The following LMTK2 variants were observed in gnomAD, a reference collection of about 807,000 sequenced individuals.
The protein encoded by LMTK2 is serine/threonine-protein kinase LMTK2.
LMTK2 carries 37 observed loss-of-function variants against 127.5 expected under a neutral mutation model. The observed-to-expected ratio is 0.29, with a 90% CI of 0.22 to 0.38. The LOEUF (loss-of-function observed/expected upper bound fraction) is 0.38, where lower values mean the gene tolerates loss of function less well. Ranked by LOEUF, LMTK2 falls within the 10% of genes least tolerant of loss-of-function variation. LMTK2 has a pLI of 1.00. For synonymous variants in LMTK2, 819 were observed against 810.1 expected (o/e 1.01, Z -0.19); for missense variants, 1,694 against 1,920.3 (o/e 0.88, Z 2.20).
chr7:98,201,508 A>G (rs1426720564), intron 11 of LMTK2, among the ~76,000 whole-genome samples: 2 of 152,174 alleles, frequency 1.3e-5, no homozygotes, highest in East Asian at 3.8e-4. Context: ...AAGCTGTAAT[A>G]CATGTTTTAT....
rs767662652 is a variant in LMTK2, at chr7:98,159,411, G to C, written c.643G>C (p.Glu215Gln). ...AGCGATTCCCTACCTCCTGGTGTTT[G>C]AGTTCTGTGACTTGGTAAGTTCCTT... is the stretch of plus-strand genomic sequence containing the variant. Reference protein sequence around the residue: ...VEAIPYLLVFEFCDLGDLKAY... With the variant: ...VEAIPYLLVFQFCDLGDLKAY... The change falls in exon 6 of 14, where the codon GAG (glutamate) becomes CAG (glutamine). Residue 215 changes from glutamate to glutamine, a missense_variant. Glu to Gln is a conservative substitution (Grantham distance 29). Transcript: ENST00000297293. 6.0e-5 allele frequency: 96 copies of C among 1,608,394 alleles called. No individual in the cohort carries two copies. Among genetic ancestry groups the C allele is most frequent in the Non-Finnish European group, 8.0e-5 (94 of 1,175,536 alleles).
rs143285587 is a variant in LMTK2, at chr7:98,193,493, C to G, written c.3028C>G (p.Leu1010Val). The change falls in exon 11 of 14, where the codon CTG becomes GTG. Residue 1010 changes from leucine (L) to valine (V), a missense_variant. Leu to Val is a conservative substitution (Grantham distance 32). Coordinates refer to ENST00000297293, the MANE Select transcript of LMTK2 (RefSeq NM_014916.4). The surrounding 1 kb of genome is among the most constrained non-coding windows in gnomAD (Gnocchi z 4.1). The stretch of plus-strand genomic sequence containing the variant: ...GTCAGTGGATGTCCACGAAGCGCTA[C>G]TGGACTCTTTAGGATCTCACACTCC... The part of the protein sequence containing the change: ...LESVDVHEAL[L>V]DSLGSHTPQK... 1.2e-5 allele frequency: 19 copies of G among 1,614,044 alleles called. No individual in the cohort carries two copies. The highest frequency in any genetic ancestry group is 1.4e-5 in the Non-Finnish European group (17 of 1,180,042).
Position 98,192,907 on chromosome 7 carries a change from G to A in LMTK2, c.2442G>A (p.Gln814=). The change falls in exon 11 of 14, where the codon CAG becomes CAA. Residue 814 remains glutamine (Q), a synonymous_variant. Transcript: ENST00000297293. ...STSLQSSPEV[Q]VPPTSFETEE... is the part of the protein sequence containing the mutation. The stretch of plus-strand genomic sequence containing the variant: ...CATTGCAGTCTTCCCCGGAAGTGCA[G>A]GTACCTCCTACCTCCTTCGAAACAG... 6.2e-7 allele frequency: 1 copy of A among 1,613,992 alleles called. No homozygotes were observed. Among genetic ancestry groups the A allele is most frequent in the East Asian group, 2.2e-5 (1 of 44,882 alleles).
At position 98,159,345 on chromosome 7, in the gene LMTK2, C is replaced by G. The variant is rs779701589; in HGVS notation, c.577C>G (p.Gln193Glu). 2.5e-6 allele frequency: 4 copies of G among 1,600,218 alleles called. No homozygotes were observed. Among genetic ancestry groups the G allele is most frequent in the Non-Finnish European group, 3.4e-6 (4 of 1,174,056 alleles). Residue 193 changes from glutamine (Q) to glutamate (E), a missense_variant, in exon 6 of 14, where the codon CAG becomes GAG. By Grantham distance (29) the Gln-to-Glu change is conservative. This residue lies in a region of LMTK2 where 203 missense variants were observed against 226.2 expected (regional missense o/e 0.90). Transcript: ENST00000297293. ...LKNGEPYYIL[Q>E]HPNILQCVGQ... ...GGCTTTTATTTTTCCCAGCATTCTTCAGCATCCAAATATTCTTCAGTGTGT... is the reference window on the plus strand; with the variant it reads ...GGCTTTTATTTTTCCCAGCATTCTTGAGCATCCAAATATTCTTCAGTGTGT...
rs907295046 is a variant in LMTK2 at position 98,182,469 on chromosome 7, G to C, written c.792-2582G>C. 3.9e-5 allele frequency among the ~76,000 whole-genome samples: 6 copies of C among 152,252 alleles called. No homozygotes were observed. The East Asian group carries it at 1.2e-3, about 29-fold the overall frequency. On this transcript the variant is annotated intron_variant, in intron 7 of 13. Transcript: ENST00000297293. ...AAAGGAAATATACAAATGGCAATAG[G>C]TACACCAAAAGATGCCCAGCATCAG...
At chr7:98,114,553 T>C (rs1450897972) in intron 1 of LMTK2, among the ~76,000 whole-genome samples, 2 of 152,190 alleles carry the variant, frequency 1.3e-5, no homozygotes, top group Admixed American at 6.5e-5. Context: ...GTAGTTTTAA[T>C]ATTTTAAAAG....
chr7:98,122,702 GTGTGTGTGTGTGTGTGTGTGTGTGTATA>G (rs1233280723), intron 1 of LMTK2, among the ~76,000 whole-genome samples: 2 of 2,898 alleles, frequency 6.9e-4, no homozygotes, highest in African/African-American at 9.0e-4. Context: ...GTGTGTGTGT[GTGTGTGTGTGTGTGTGTGTGTGTGTATA>G]TATATAACTG....
chr7:98,169,415 G>A (rs972058299), intron 6 of LMTK2, among the ~76,000 whole-genome samples: 17 of 152,222 alleles, frequency 1.1e-4, no homozygotes, highest in Admixed American at 5.9e-4. Context: ...AAGCAGCCAC[G>A]CCCGCTCTGC....
At position 98,127,008 on chromosome 7, in the gene LMTK2, A is replaced by G. The variant is rs532116785; in HGVS notation, c.104-10307A>G. On this transcript the variant is annotated intron_variant, in intron 1 of 13. Transcript: ENST00000297293. Reference sequence around the variant, plus strand: ...CTGAGTATATTTACTGCCACGCTTCATTTCCCTTTTCCTTTCCTATATTAG... The same window carrying G: ...CTGAGTATATTTACTGCCACGCTTCGTTTCCCTTTTCCTTTCCTATATTAG... 5.9e-5 allele frequency among the ~76,000 whole-genome samples: 9 copies of G among 152,228 alleles called. No individual in the cohort carries two copies. The South Asian group carries it at 1.9e-3, about 32-fold the overall frequency.
chr7:98,110,606 A>G (rs10499940), intron 1 of LMTK2, among the ~76,000 whole-genome samples: 29,128 of 152,206 alleles, frequency 0.19, 3,276 homozygotes, highest in African/African-American at 0.31. Flanking sequence ...GAAAACATGG[A>G]TGCGCCTTTT....
At chr7:98,160,525 G>C (rs1353647876) in intron 6 of LMTK2, among the ~76,000 whole-genome samples, 6 of 152,118 alleles carry the variant, frequency 3.9e-5, no homozygotes, top group Admixed American at 3.9e-4. Context: ...TTCACTCTAG[G>C]ATCAGTGTTT....
chr7:98,196,092 G>C (rs1797618724), intron 11 of LMTK2, among the ~76,000 whole-genome samples: 1 of 151,994 alleles, frequency 6.6e-6, no homozygotes, highest in South Asian at 2.1e-4. Context: ...GGGAGGCTGA[G>C]GCATGAGAAT....
intron 3 of LMTK2, among the ~76,000 whole-genome samples, chr7:98,149,530 G>C (rs1029385775): frequency 6.6e-6 from 1 of 152,310 alleles, no homozygotes; most frequent in East Asian, 1.9e-4. Flanking sequence ...ATTCGATAGA[G>C]GTGCAGTTAA....
chr7:98,204,704 A>G (rs529768902), intron 13 of LMTK2, among the ~76,000 whole-genome samples: 119 of 152,356 alleles, frequency 7.8e-4, no homozygotes, highest in African/African-American at 2.9e-3. Flanking sequence ...GGTCACTCTC[A>G]GGCTCGTTAC....
chr7:98,113,273 C>T (rs1441692945), intron 1 of LMTK2, among the ~76,000 whole-genome samples: 1 of 152,152 alleles, frequency 6.6e-6, no homozygotes, highest in Non-Finnish European at 1.5e-5. Context: ...CTTGGCACTT[C>T]TCTCTCCTGC....
rs1241674929 is a variant in LMTK2, at chr7:98,204,204, C to T, written c.4483+18C>T. 1.9e-6 allele frequency: 3 copies of T among 1,600,158 alleles called. No homozygotes were observed. In the African/African-American group the frequency reaches 4.0e-5, roughly 21 times the overall value. Reference sequence around the variant, plus strand: ...GCAGGGCGGTGAGAGGCGCTGCGTGCTGGGGATTGGGAGTGCAGGGTCGGG... The same window carrying T: ...GCAGGGCGGTGAGAGGCGCTGCGTGTTGGGGATTGGGAGTGCAGGGTCGGG... On this transcript the variant is annotated intron_variant, in intron 13 of 13. Coordinates refer to ENST00000297293, the MANE Select transcript of LMTK2 (RefSeq NM_014916.4).
chr7:98,203,131 C>A (rs760519332), intron 11 of LMTK2, among the ~76,000 whole-genome samples: 1 of 152,238 alleles, frequency 6.6e-6, no homozygotes, highest in Non-Finnish European at 1.5e-5. Context: ...ATTCCCCCTT[C>A]TCTTTCTGAG....
At chr7:98,204,576 A>G (rs1056257270) in intron 13 of LMTK2, among the ~76,000 whole-genome samples, 4 of 152,224 alleles carry the variant, frequency 2.6e-5, no homozygotes, top group African/African-American at 7.2e-5. Flanking sequence ...ACAGTGACCT[A>G]TGATTGTGCC....
chr7:98,163,917 T>A (rs1265056663), intron 6 of LMTK2, among the ~76,000 whole-genome samples: 1 of 152,226 alleles, frequency 6.6e-6, no homozygotes, highest in African/African-American at 2.4e-5. Context: ...CGGCTATCGC[T>A]GCCTGTCTTA....
Sources: gnomAD v4.1 joint callset for allele counts (sites outside exome capture counted in the v4.1 genomes callset) on GRCh38, gnomAD v4.1.1 for gene constraint, gnomAD v4.1.1 regional missense constraint, Gnocchi (gnomAD v3.1) non-coding constraint, MANE v1.5 for transcripts, NCBI Gene and HGNC (gene_info 2026-07-23, HGNC 2026-07-21) for gene names.